Variants in RAD54L observed in about 807,000 individuals in gnomAD.
The protein encoded by RAD54L is RAD54 like, also known as DNA repair and recombination protein RAD54-like.
RAD54L carries 74 observed loss-of-function variants against 91.6 expected under a neutral mutation model. That is an observed-to-expected ratio of 0.81 (90% CI 0.67 to 0.98). The LOEUF is 0.98. Among genes scored for constraint, RAD54L ranks in the 50% least tolerant of loss-of-function variants. The pLI, the probability that RAD54L is intolerant of heterozygous loss-of-function variation, is 0.00. For synonymous variants in RAD54L, 304 were observed against 349.7 expected, an observed-to-expected ratio of 0.87 and a Z score of 1.46; for missense variants, 887 against 945.7, an observed-to-expected ratio of 0.94 and a Z score of 0.81.
intron 3 of RAD54L, among the ~76,000 whole-genome samples, chr1:46,251,290 C>T (rs531102769): frequency 2.6e-5 from 4 of 152,132 alleles, no homozygotes; most frequent in Non-Finnish European, 5.9e-5. Flanking sequence ...CCAGCCTGGG[C>T]GACAAGAGTG....
intron 3 of RAD54L, 83 bp from the exon 4 acceptor site, chr1:46,258,602 CA>C: frequency 9.2e-7 from 1 of 1,087,928 alleles, no homozygotes; most frequent in Non-Finnish European, 1.4e-6. Context: ...TGCTGTTGTA[CA>C]AAACCTAATG....
intron 10 of RAD54L, 80 bp from the exon 11 acceptor site, chr1:46,272,386 C>A (rs1284794194): frequency 3.0e-5 from 38 of 1,260,154 alleles, no homozygotes; most frequent in Non-Finnish European, 3.8e-5. Context: ...TAGTCTTGGT[C>A]CTTTGGGTGG....
chr1:46,264,227 T>C (rs1660206845), intron 8 of RAD54L, among the ~76,000 whole-genome samples: 1 of 152,196 alleles, frequency 6.6e-6, no homozygotes, highest in African/African-American at 2.4e-5. Flanking sequence ...TTCTACTTGT[T>C]TACCTTTTAT....
intron 8 of RAD54L, 134 bp from the exon 9 acceptor site, chr1:46,267,325 A>G: frequency 8.6e-7 from 1 of 1,167,366 alleles, no homozygotes; most frequent in Non-Finnish European, 1.3e-6. Context: ...CGGCCTCCCA[A>G]AGTGCTGGGA....
In RAD54L at chr1:46,273,413, G is replaced by T; in HGVS notation, c.1434G>T (p.Leu478Phe). ...AGGAGGATGGCTTTGTGGGTGCCTT[G>T]GACCTCTTCCCTCCTGGTTACAGCT... The part of the protein sequence containing the change: ...VEEEDGFVGA[L>F]DLFPPGYSSK... Residue 478 changes from leucine (L) to phenylalanine (F), a missense_variant, in exon 13 of 18, where the codon TTG becomes TTT. By Grantham distance (22) the Leu-to-Phe change is conservative. Transcript: ENST00000371975. 6.2e-7 allele frequency: 1 copy of T among 1,614,100 alleles called. No homozygotes were observed. The highest frequency in any genetic ancestry group is 8.5e-7 in the Non-Finnish European group (1 of 1,179,958).
At chr1:46,251,172 C>A (rs1481384141) in intron 3 of RAD54L, among the ~76,000 whole-genome samples, 3 of 150,952 alleles carry the variant, frequency 2.0e-5, no homozygotes, top group Non-Finnish European at 2.9e-5. Context: ...ATTAGCCAGG[C>A]ATGGTGGTGC....
chr1:46,277,232 CCTTT>C lies in RAD54L; in HGVS notation c.1870-580_1870-577del, dbSNP rs1199394741. Reference sequence around the variant, plus strand: ...TTCCTTTGTTCCTATGCTGGGAATACCTTTCTTTGTGTCTTTTCTTACAAACCAT... The same window carrying C: ...TTCCTTTGTTCCTATGCTGGGAATACCTTTGTGTCTTTTCTTACAAACCAT... On this transcript the variant is annotated intron_variant, in intron 16 of 17. Transcript: ENST00000371975. Among the ~76,000 whole-genome samples the C allele has an allele frequency of 6.6e-5, 10 of 152,302 alleles. No individual in the cohort carries two copies. The South Asian group carries it at 1.0e-3, about 16-fold the overall frequency.
chr1:46,267,736 A>T (rs1010684864), intron 9 of RAD54L, 127 bp downstream of exon 9: 1 of 1,287,834 alleles, frequency 7.8e-7, no homozygotes, highest in African/African-American at 1.5e-5. Context: ...TTCTTGTAGG[A>T]AGGCTTCTCT....
At chr1:46,268,399 TGTTA>T (rs1434316254) in intron 9 of RAD54L, among the ~76,000 whole-genome samples, 1 of 152,180 alleles carries the variant, frequency 6.6e-6, no homozygotes, top group African/African-American at 2.4e-5. Context: ...TGAAAGGGTG[TGTTA>T]GTGTCACCCC....
At chr1:46,252,132 A>G (rs1659814290) in intron 3 of RAD54L, among the ~76,000 whole-genome samples, 1 of 152,144 alleles carries the variant, frequency 6.6e-6, no homozygotes, top group African/African-American at 2.4e-5. Flanking sequence ...GGAGTGGAAA[A>G]CATTCTAATA....
chr1:46,248,819 TGGGAA>T (rs1166536155), intron 2 of RAD54L, among the ~76,000 whole-genome samples: 2 of 152,182 alleles, frequency 1.3e-5, no homozygotes, highest in Non-Finnish European at 2.9e-5. Flanking sequence ...GTTTTCCTGG[TGGGAA>T]AAGATAAGCA....
intron 9 of RAD54L, 158 bp downstream of exon 9, chr1:46,267,767 A>AT: frequency 9.7e-7 from 1 of 1,035,710 alleles, no homozygotes; most frequent in Non-Finnish European, 1.4e-6. Context: ...TAGCAAAGCC[A>AT]TTGGGAGGCC....
chr1:46,272,322 C>G (rs1356399986), intron 10 of RAD54L, 144 bp from the exon 11 acceptor site: 1 of 770,866 alleles, frequency 1.3e-6, no homozygotes, highest in Non-Finnish European at 2.2e-6. Flanking sequence ...GGATTACTGG[C>G]GTGAGCCACT....
chr1:46,277,211 T>C (rs925189729), intron 16 of RAD54L, among the ~76,000 whole-genome samples: 5 of 152,204 alleles, frequency 3.3e-5, no homozygotes, highest in African/African-American at 1.2e-4. Flanking sequence ...GTAGTATTCC[T>C]TTGTTCCTAT....
intron 3 of RAD54L, among the ~76,000 whole-genome samples, chr1:46,250,345 G>C (rs938095361): frequency 6.6e-6 from 1 of 152,216 alleles, no homozygotes; most frequent in Admixed American, 6.5e-5. Context: ...AGATGGTTCA[G>C]ATTCCTGAGG....
Position 46,248,163 on chromosome 1 carries a change from C to T in RAD54L, c.-243C>T, listed in dbSNP as rs1659698915. 1.6e-6 allele frequency: 1 copy of T among 626,950 alleles called. No individual in the cohort carries two copies. Among genetic ancestry groups the T allele is most frequent in the Admixed American group, 2.4e-5 (1 of 42,306 alleles). The allele number at this position is 626,950 out of a possible 1,614,324, so 38.8% of individuals were successfully genotyped here. ...AATCCCACACTAATCTCTGCTTGGT[C>T]TCTTCCTCTTTGGCCTAATCTCTCG... On this transcript the variant is annotated 5_prime_UTR_variant, in exon 1 of 18. Coordinates refer to ENST00000371975, the MANE Select transcript of RAD54L (RefSeq NM_003579.4).
In RAD54L at chr1:46,265,205, A is replaced by G. The variant is rs1256383629; in HGVS notation, c.892-2254A>G. Among the ~76,000 whole-genome samples, 1 of 152,042 alleles carries G rather than the reference A, an allele frequency of 6.6e-6. No homozygotes were observed. The highest frequency in any genetic ancestry group is 2.1e-4 in the South Asian group (1 of 4,818). On this transcript the variant is annotated intron_variant, in intron 8 of 17. Transcript: ENST00000371975. This position sits in a 1 kb window ranked among gnomAD's most constrained non-coding sequence, Gnocchi z 4.8. Reference sequence around the variant, plus strand: ...TTTTTCTTAATTAAATTTCTAGGCCAAATGCGGTGGCTTACACCTGTAATC... The same window carrying G: ...TTTTTCTTAATTAAATTTCTAGGCCGAATGCGGTGGCTTACACCTGTAATC...
intron 3 of RAD54L, among the ~76,000 whole-genome samples, chr1:46,255,211 A>T (rs1472275115): frequency 6.6e-6 from 1 of 152,114 alleles, no homozygotes; most frequent in Non-Finnish European, 1.5e-5. Context: ...TGTTTTTAAG[A>T]TAGGAGATAA....
chr1:46,274,079 A>G, intron 14 of RAD54L, 59 bp from the exon 15 acceptor site: 1 of 1,512,348 alleles, frequency 6.6e-7, no homozygotes, highest in South Asian at 1.1e-5. Flanking sequence ...TTTATTTTTA[A>G]TTTTTTTTCC....
Sources: gnomAD v4.1 joint callset for allele counts (sites outside exome capture counted in the v4.1 genomes callset) on GRCh38, gnomAD v4.1.1 for gene constraint, Gnocchi (gnomAD v3.1) non-coding constraint, MANE v1.5 for transcripts, NCBI Gene and HGNC (gene_info 2026-07-23, HGNC 2026-07-21) for gene names.